CCBE1: variants seen among roughly 807,000 people sequenced by gnomAD.
CCBE1 encodes collagen and calcium-binding EGF domain-containing protein 1.
CCBE1 carries 37 observed loss-of-function variants against 50.0 expected under a neutral mutation model. The observed-to-expected ratio is 0.74, with a 90% CI of 0.57 to 0.97. The LOEUF is 0.97. Ranked by LOEUF, CCBE1 falls within the 50% of genes least tolerant of loss-of-function variation. CCBE1 has a pLI of 0.00. For missense variants in CCBE1, 538 were observed against 523.8 expected (o/e 1.03, Z -0.26); for synonymous variants, 234 against 203.7 (o/e 1.15, Z -1.27).
intron 2 of CCBE1, among the ~76,000 whole-genome samples, chr18:59,632,680 C>A (rs549668900): frequency 1.3e-5 from 2 of 152,312 alleles, no homozygotes; most frequent in South Asian, 4.1e-4. Context: ...CTTCCAACCT[C>A]CCAGGTTCAA....
intron 2 of CCBE1, among the ~76,000 whole-genome samples, chr18:59,493,180 CA>C (rs1305801729): frequency 6.6e-6 from 1 of 152,020 alleles, no homozygotes; most frequent in Non-Finnish European, 1.5e-5. Context: ...TTTGAGAAGA[CA>C]AAAAGGGAAG....
At chr18:59,626,293 C>T (rs545457989) in intron 2 of CCBE1, among the ~76,000 whole-genome samples, 1 of 152,310 alleles carries the variant, frequency 6.6e-6, no homozygotes, top group East Asian at 1.9e-4. Context: ...AGTAAACCAC[C>T]TCGCAATGCA....
chr18:59,596,461 T>C (rs1370985357), intron 2 of CCBE1, among the ~76,000 whole-genome samples: 2 of 152,224 alleles, frequency 1.3e-5, no homozygotes, highest in African/African-American at 4.8e-5. Flanking sequence ...GTATTTAAGA[T>C]GAAAGAATAT....
intron 2 of CCBE1, among the ~76,000 whole-genome samples, chr18:59,659,480 C>T (rs2144685291): frequency 6.6e-6 from 1 of 152,240 alleles, no homozygotes. Flanking sequence ...CCTGTTATTT[C>T]TAAGAGCTCT....
chr18:59,571,753 AAT>A lies in CCBE1; in HGVS notation c.213-91517_213-91516del, dbSNP rs200326161. ...TATAATGAGGTTGATTTAATCTCTT[AAT>A]ATGTTTTATCTCATACGTACAGAAG... On this transcript the variant is annotated intron_variant, in intron 2 of 10. Coordinates refer to ENST00000439986, the MANE Select transcript of CCBE1 (RefSeq NM_133459.4). Among the ~76,000 whole-genome samples the A allele has an allele frequency of 8.5e-3, 1,293 of 152,290 alleles. 21 individuals carry two copies. The highest frequency in any genetic ancestry group is 0.029 in the African/African-American group (1,196 of 41,554).
intron 2 of CCBE1, among the ~76,000 whole-genome samples, chr18:59,582,681 AC>A (rs892915506): frequency 1.3e-5 from 2 of 152,042 alleles, no homozygotes; most frequent in African/African-American, 2.4e-5. Flanking sequence ...CCCAGTCCAC[AC>A]CCAACCTCTT....
At chr18:59,606,468 A>T (rs2053500625) in intron 2 of CCBE1, among the ~76,000 whole-genome samples, 1 of 152,238 alleles carries the variant, frequency 6.6e-6, no homozygotes, top group African/African-American at 2.4e-5. Context: ...GACTGTCATG[A>T]CATCCCATTA....
At chr18:59,546,512 C>T (rs1253703866) in intron 2 of CCBE1, among the ~76,000 whole-genome samples, 2 of 152,222 alleles carry the variant, frequency 1.3e-5, no homozygotes, top group South Asian at 2.1e-4. Context: ...CACAGAGGCC[C>T]AGTCCCCTGC....
chr18:59,615,464 C>G (rs73961281), intron 2 of CCBE1, among the ~76,000 whole-genome samples: 2,295 of 151,190 alleles, frequency 0.015, 62 homozygotes, highest in African/African-American at 0.05. Flanking sequence ...TGTCATCTGC[C>G]TTTTCCTGGT....
At chr18:59,614,046 C>T (rs2053606450) in intron 2 of CCBE1, among the ~76,000 whole-genome samples, 1 of 152,062 alleles carries the variant, frequency 6.6e-6, no homozygotes, top group South Asian at 2.1e-4. Flanking sequence ...TCTCGCTCTG[C>T]ACTGTCTGGA....
intron 7 of CCBE1, among the ~76,000 whole-genome samples, chr18:59,443,129 T>C (rs1196329568): frequency 6.6e-6 from 1 of 152,250 alleles, no homozygotes; most frequent in Admixed American, 6.5e-5. Context: ...GCATACCACC[T>C]TATCATGGAA....
intron 2 of CCBE1, among the ~76,000 whole-genome samples, chr18:59,560,923 T>C (rs1394463234): frequency 6.6e-6 from 1 of 152,208 alleles, no homozygotes; most frequent in Non-Finnish European, 1.5e-5. Flanking sequence ...CAAAAAGTCT[T>C]GAGACCTGTA....
At chr18:59,680,727 A>T (rs1006637705) in intron 2 of CCBE1, among the ~76,000 whole-genome samples, 1 of 152,044 alleles carries the variant, frequency 6.6e-6, no homozygotes, top group Non-Finnish European at 1.5e-5. Context: ...AAAACAAAAC[A>T]AAACAAAACA....
At chr18:59,610,858 C>A (rs1346437186) in intron 2 of CCBE1, among the ~76,000 whole-genome samples, 1 of 152,268 alleles carries the variant, frequency 6.6e-6, no homozygotes, top group African/African-American at 2.4e-5. Context: ...TCCACCAGCG[C>A]CCCTGGGGAT....
chr18:59,570,393 G>T (rs2052892555), intron 2 of CCBE1, among the ~76,000 whole-genome samples: 2 of 152,188 alleles, frequency 1.3e-5, no homozygotes, highest in Non-Finnish European at 2.9e-5. Context: ...TGAAAGCCAG[G>T]CCTCAAAGCC....
rs184273024 is a variant in CCBE1 at position 59,621,090 on chromosome 18, A to T, written c.212+75539T>A. Among the ~76,000 whole-genome samples, 177 of 152,208 alleles carry T rather than the reference A, an allele frequency of 1.2e-3. 1 individual carries two copies. In the South Asian group the frequency reaches 0.015, roughly 13 times the overall value. ...TGTCTAGAAGGCTCTGAAAGACCAC[A>T]CCTCTCTTAGAAGGGATTCCCAGGA... On this transcript the variant is annotated intron_variant, in intron 2 of 10. Transcript: ENST00000439986.
chr18:59,488,489 T>C (rs532704044), intron 2 of CCBE1, among the ~76,000 whole-genome samples: 2 of 152,270 alleles, frequency 1.3e-5, no homozygotes, highest in South Asian at 4.1e-4. Context: ...AAAAGGTATA[T>C]GTGGGAGAGT....
At chr18:59,438,224 A>C (rs937698825) in intron 9 of CCBE1, 78 bp from the exon 10 acceptor site, 104 of 1,245,854 alleles carry the variant, frequency 8.3e-5, no homozygotes, top group Non-Finnish European at 1.2e-4. Flanking sequence ...TACACCCACC[A>C]TAACCACTTC....
chr18:59,576,544 G>C (rs180749566), intron 2 of CCBE1, among the ~76,000 whole-genome samples: 11 of 152,322 alleles, frequency 7.2e-5, no homozygotes, highest in African/African-American at 2.2e-4. Context: ...AGCTGTAGTG[G>C]ACAAAGGCAT....
Sources: gnomAD v4.1 joint callset for allele counts (sites outside exome capture counted in the v4.1 genomes callset) on GRCh38, gnomAD v4.1.1 for gene constraint, MANE v1.5 for transcripts, NCBI Gene and HGNC (gene_info 2026-07-23, HGNC 2026-07-21) for gene names.